The following SPATA6 variants were observed in gnomAD, a reference collection of about 807,000 sequenced individuals.
SPATA6 encodes spermatogenesis-associated protein 6.
In SPATA6, 56 loss-of-function variants were observed where a neutral mutation model predicts 65.3. The observed-to-expected ratio is 0.86, with a 90% CI of 0.69 to 1.07. The LOEUF is 1.07. SPATA6 is among the 50% of genes least tolerant of loss of function. The probability of loss-of-function intolerance (pLI) is 0.00; values close to 1 mark genes in which losing one functional copy is unlikely to be tolerated. For missense variants in SPATA6, 590 were observed against 594.8 expected (o/e 0.99, Z 0.08); for synonymous variants, 199 against 213.2 (o/e 0.93, Z 0.58).
At chr1:48,407,474 C>A (rs1285673269) in intron 5 of SPATA6, among the ~76,000 whole-genome samples, 1 of 152,174 alleles carries the variant, frequency 6.6e-6, no homozygotes, top group Non-Finnish European at 1.5e-5. Context: ...AGTTAGCTGG[C>A]AAAGCTGTGC....
intron 3 of SPATA6, among the ~76,000 whole-genome samples, chr1:48,440,897 AAAAAGG>A: frequency 6.6e-6 from 1 of 152,318 alleles, no homozygotes; most frequent in South Asian, 2.1e-4. Context: ...AGAACAGGCC[AAAAAGG>A]AAAAGAGAGA....
At chr1:48,400,725 GA>G in intron 6 of SPATA6, 1 of 1,207,254 alleles carries the variant, frequency 8.3e-7, no homozygotes, top group South Asian at 1.4e-5. Flanking sequence ...TTCCTAATTG[GA>G]AAAGTGAGTT....
chr1:48,312,294 A>G (rs912476747), intron 11 of SPATA6, among the ~76,000 whole-genome samples: 1 of 152,214 alleles, frequency 6.6e-6, no homozygotes, highest in Non-Finnish European at 1.5e-5. Context: ...ACACCCGAGC[A>G]GCCTAACTGG....
chr1:48,329,699 G>A (rs968269490), intron 11 of SPATA6, among the ~76,000 whole-genome samples: 1 of 152,224 alleles, frequency 6.6e-6, no homozygotes, highest in African/African-American at 2.4e-5. Flanking sequence ...GAGAAACCAC[G>A]TTGGAATCCA....
chr1:48,308,752 A>G (rs1410602958), intron 11 of SPATA6, among the ~76,000 whole-genome samples: 1 of 152,176 alleles, frequency 6.6e-6, no homozygotes, highest in African/African-American at 2.4e-5. Context: ...CATTGAATAT[A>G]TCATTACACT....
rs576454463 is a variant in SPATA6, at chr1:48,402,339, GAA to G, written c.486+1461_486+1462del. On this transcript the variant is annotated intron_variant, in intron 6 of 12. Coordinates refer to ENST00000371847, the MANE Select transcript of SPATA6 (RefSeq NM_019073.4). ...TATATTTCAGACAAAAAGTTAAAAA[GAA>G]AAAAAAGACTTCTCTATCCATCTAT... 1.1e-4 allele frequency among the ~76,000 whole-genome samples: 16 copies of G among 150,820 alleles called. 1 individual carries two copies. The South Asian group carries it at 3.4e-3, about 32-fold the overall frequency.
intron 3 of SPATA6, among the ~76,000 whole-genome samples, chr1:48,432,523 C>T (rs1654500921): frequency 6.6e-6 from 1 of 151,938 alleles, no homozygotes; most frequent in African/African-American, 2.4e-5. Flanking sequence ...CTAATAAGCA[C>T]AAGAAAAGAT....
At chr1:48,455,078 AAATCTCATTC>A (rs1157261254) in intron 1 of SPATA6, among the ~76,000 whole-genome samples, 1 of 152,200 alleles carries the variant, frequency 6.6e-6, no homozygotes, top group Non-Finnish European at 1.5e-5. Flanking sequence ...GGTCCTCAAC[AAATCTCATTC>A]TGTCCATAAG....
chr1:48,276,126 G>C, the SPATA6 span, among the ~76,000 whole-genome samples: 1 of 152,142 alleles, frequency 6.6e-6, no homozygotes, highest in Admixed American at 6.5e-5. Context: ...TTGCATAGAG[G>C]TGTTTATAGT....
chr1:48,379,192 G>C (rs1648265701), intron 9 of SPATA6, among the ~76,000 whole-genome samples: 2 of 152,150 alleles, frequency 1.3e-5, no homozygotes, highest in Admixed American at 1.3e-4. Flanking sequence ...ATGGTGGCAG[G>C]CAAGAGAGAG....
At chr1:48,395,525 T>C (rs2147912796) in intron 7 of SPATA6, among the ~76,000 whole-genome samples, 171 bp from the exon 8 acceptor site, 1 of 152,086 alleles carries the variant, frequency 6.6e-6, no homozygotes. Flanking sequence ...TATTTTGTTG[T>C]TCGTTGCAAA....
chr1:48,267,233 C>T, the SPATA6 span, among the ~76,000 whole-genome samples: 28 of 152,104 alleles, frequency 1.8e-4, no homozygotes, highest in African/African-American at 4.8e-4. Context: ...AGGCGGGCAC[C>T]GACCCCACGG....
At chr1:48,348,070 C>T (rs969867087) in intron 11 of SPATA6, among the ~76,000 whole-genome samples, 9 of 152,006 alleles carry the variant, frequency 5.9e-5, no homozygotes, top group Non-Finnish European at 1.2e-4. Flanking sequence ...ATACTTTCTC[C>T]ACTGCAACTC....
the SPATA6 span, among the ~76,000 whole-genome samples, chr1:48,263,853 G>T: frequency 3.9e-5 from 6 of 152,066 alleles, no homozygotes; most frequent in African/African-American, 1.2e-4. Flanking sequence ...TTGAGACAGG[G>T]TCTCACTCTG....
intron 1 of SPATA6, among the ~76,000 whole-genome samples, chr1:48,456,628 A>G (rs1483359024): frequency 6.6e-6 from 1 of 152,214 alleles, no homozygotes; most frequent in Non-Finnish European, 1.5e-5. Flanking sequence ...AATGATCTAA[A>G]TGAAAGTATG....
chr1:48,346,011 C>G (rs188459786), intron 11 of SPATA6, among the ~76,000 whole-genome samples: 117 of 152,090 alleles, frequency 7.7e-4, no homozygotes, highest in African/African-American at 2.6e-3. Flanking sequence ...CAGCCTCATC[C>G]TGATGTCAAA....
chr1:48,280,613 C>A, the SPATA6 span, among the ~76,000 whole-genome samples: 1 of 152,184 alleles, frequency 6.6e-6, no homozygotes, highest in African/African-American at 2.4e-5. Flanking sequence ...GACACATACA[C>A]CCTCCCAAGA....
intron 9 of SPATA6, among the ~76,000 whole-genome samples, chr1:48,364,955 C>A (rs1646949732): frequency 6.6e-6 from 1 of 152,048 alleles, no homozygotes. Flanking sequence ...GTCTTTAATC[C>A]ATCGTGAATT....
chr1:48,418,054 T>C (rs1034452777), intron 3 of SPATA6, among the ~76,000 whole-genome samples: 7 of 152,296 alleles, frequency 4.6e-5, no homozygotes, highest in Admixed American at 2.6e-4. Flanking sequence ...AAAGGGTCTG[T>C]ATTTTATGCA....
Sources: allele counts gnomAD v4.1 joint callset (sites outside exome capture counted in the v4.1 genomes callset), GRCh38; gene constraint gnomAD v4.1.1; transcripts MANE v1.5; gene names NCBI Gene and HGNC (gene_info 2026-07-23, HGNC 2026-07-21).